The following CCDC175 variants were observed in gnomAD, a reference collection of about 807,000 sequenced individuals.
The protein encoded by CCDC175 is coiled-coil domain-containing protein 175.
A neutral mutation model predicts 114.6 loss-of-function variants in CCDC175; 100 were observed. That is an observed-to-expected ratio of 0.87 (90% CI 0.74 to 1.03). The LOEUF is 1.03. Ranked by LOEUF, CCDC175 falls within the 50% of genes least tolerant of loss-of-function variation. The probability of loss-of-function intolerance (pLI) is 0.00; values close to 1 mark genes in which losing one functional copy is unlikely to be tolerated. For synonymous variants in CCDC175, 306 were observed against 308.7 expected, an observed-to-expected ratio of 0.99 and a Z score of 0.09; for missense variants, 880 against 917.8, an observed-to-expected ratio of 0.96 and a Z score of 0.53.
At chr14:59,563,925 T>C in intron 5 of CCDC175, 66 bp from the exon 6 acceptor site, 1 of 1,088,942 alleles carries the variant, frequency 9.2e-7, no homozygotes, top group African/African-American at 1.7e-5. Flanking sequence ...TAAAAAATCT[T>C]TTAAAAACAG....
Position 59,533,904 on chromosome 14 carries a change from G to A in CCDC175, c.1624-1994C>T, listed in dbSNP as rs555125656. ...CTTGGGAGGCTGAGGCAGGAGAATC[G>A]CTTGAACCCGGGAGGCGGAGGTTGC... On this transcript the variant is annotated intron_variant, in intron 13 of 19. Transcript: ENST00000537690. Among the ~76,000 whole-genome samples the A allele has an allele frequency of 2.0e-5, 3 of 150,468 alleles. No individual in the cohort carries two copies. The South Asian group carries it at 6.3e-4, about 31-fold the overall frequency.
chr14:59,543,526 T>C (rs963208865), intron 9 of CCDC175, 72 bp from the exon 10 acceptor site: 5 of 517,514 alleles, frequency 9.7e-6, no homozygotes, highest in African/African-American at 2.0e-5. Flanking sequence ...ATTTCAAAAA[T>C]AGTTTTGAAA....
At chr14:59,508,772 C>T (rs1412538470) in intron 19 of CCDC175, among the ~76,000 whole-genome samples, 1 of 151,938 alleles carries the variant, frequency 6.6e-6, no homozygotes, top group Admixed American at 6.6e-5. Context: ...TTTGAGGACA[C>T]AATGAGGAAG....
chr14:59,550,262 G>A (rs1286451747), intron 8 of CCDC175, among the ~76,000 whole-genome samples: 1 of 152,046 alleles, frequency 6.6e-6, no homozygotes, highest in African/African-American at 2.4e-5. Context: ...GAGCAATACT[G>A]ATACTTATTT....
At chr14:59,538,667 T>C (rs755270906) in intron 12 of CCDC175, 38 bp downstream of exon 12, 22 of 1,471,344 alleles carry the variant, frequency 1.5e-5, no homozygotes, top group South Asian at 2.6e-5. Flanking sequence ...TGATATGCAA[T>C]GTAGGGGACT....
intron 17 of CCDC175, among the ~76,000 whole-genome samples, chr14:59,516,357 C>A (rs945821771): frequency 6.6e-6 from 1 of 151,906 alleles, no homozygotes; most frequent in African/African-American, 2.4e-5. Flanking sequence ...AAAAAACCTT[C>A]AAAAAAATCA....
At chr14:59,555,233 G>A (rs1056011354) in intron 7 of CCDC175, among the ~76,000 whole-genome samples, 3 of 152,128 alleles carry the variant, frequency 2.0e-5, no homozygotes, top group Non-Finnish European at 2.9e-5. Context: ...CTGGCAAACC[G>A]AATCCAGCAG....
At chr14:59,559,992 T>A (rs1896137038) in intron 7 of CCDC175, among the ~76,000 whole-genome samples, 1 of 152,142 alleles carries the variant, frequency 6.6e-6, no homozygotes, top group African/African-American at 2.4e-5. Flanking sequence ...TTTGAGGTAA[T>A]CCATATCTTT....
Position 59,512,920 on chromosome 14 carries a change from C to A in CCDC175, c.2099-1117G>T, listed in dbSNP as rs113358939. On this transcript the variant is annotated intron_variant, in intron 17 of 19. Transcript: ENST00000537690. ...AGTGAAAATAATTTTAAAAGACAAGCATACAGGTGAAGAATTCTATTACCT... is the reference window on the plus strand; with the variant it reads ...AGTGAAAATAATTTTAAAAGACAAGAATACAGGTGAAGAATTCTATTACCT... Among the ~76,000 whole-genome samples the A allele has an allele frequency of 2.1e-3, 317 of 151,790 alleles. 1 individual carries two copies. Among genetic ancestry groups the A allele is most frequent in the African/African-American group, 6.9e-3 (284 of 41,348 alleles).
At chr14:59,509,539 G>T (rs1892636519) in intron 19 of CCDC175, among the ~76,000 whole-genome samples, 1 of 152,076 alleles carries the variant, frequency 6.6e-6, no homozygotes, top group Admixed American at 6.6e-5. Flanking sequence ...TTAAGACAGG[G>T]TCTCACTCTG....
At position 59,521,603 on chromosome 14, in the gene CCDC175, T is replaced by C. The variant is rs1893432655; in HGVS notation, c.2069A>G (p.Asp690Gly). The C allele has an allele frequency of 6.5e-7, 1 of 1,535,238 alleles. No homozygotes were observed. Among genetic ancestry groups the C allele is most frequent in the Non-Finnish European group, 8.7e-7 (1 of 1,145,034 alleles). The change falls in exon 17 of 20, where the codon GAC becomes GGC. Residue 690 changes from aspartate (D) to glycine (G), a missense_variant. Asp to Gly is a moderately conservative substitution (Grantham distance 94). Transcript: ENST00000537690. ...CTGAGCTATTAGTTGCCGAGACAAG[T>C]CGCTTGAGGTGTGCATGAGGGCTTC... Reference protein sequence around the residue: ...GQEALMHTSSDLSRQLIAQEA... With the variant: ...GQEALMHTSSGLSRQLIAQEA...
chr14:59,544,869 C>T (rs1489145677), intron 9 of CCDC175, among the ~76,000 whole-genome samples: 1 of 152,086 alleles, frequency 6.6e-6, no homozygotes, highest in Non-Finnish European at 1.5e-5. Flanking sequence ...CCTGTGAAGA[C>T]ACAGAGAGAA....
chr14:59,516,545 A>G (rs538922381), intron 17 of CCDC175, among the ~76,000 whole-genome samples: 5 of 152,384 alleles, frequency 3.3e-5, no homozygotes, highest in African/African-American at 7.2e-5. Flanking sequence ...AAACATCTCT[A>G]TGCAAATAAG....
chr14:59,520,469 T>C (rs1893363466), intron 17 of CCDC175, among the ~76,000 whole-genome samples: 1 of 152,200 alleles, frequency 6.6e-6, no homozygotes, highest in South Asian at 2.1e-4. Flanking sequence ...CATACACTAA[T>C]TGCTATATAA....
At chr14:59,527,447 C>G (rs1893812786) in intron 14 of CCDC175, among the ~76,000 whole-genome samples, 1 of 152,064 alleles carries the variant, frequency 6.6e-6, no homozygotes, top group African/African-American at 2.4e-5. Flanking sequence ...CAGGCATTTT[C>G]CATTTACTTA....
chr14:59,540,544 C>T lies in CCDC175; in HGVS notation c.1355+131G>A, dbSNP rs948151688. 1.4e-5 allele frequency: 14 copies of T among 1,006,178 alleles called. No individual in the cohort carries two copies. In the East Asian group the frequency reaches 3.8e-4, roughly 27 times the overall value. The allele number at this position is 1,006,178 out of a possible 1,614,324, so 62.3% of individuals were successfully genotyped here. A position where few individuals can be genotyped will look rare whatever the true frequency, so the allele number is the denominator to read the frequency against. The stretch of plus-strand genomic sequence containing the variant: ...ATACATCTAGATCCGAGAGAATTTA[C>T]ACATAATTTAGGAAAATCATTCCCT... On this transcript the variant is annotated intron_variant, in intron 11 of 19. Coordinates refer to ENST00000537690, the MANE Select transcript of CCDC175 (RefSeq NM_001164399.2).
At chr14:59,526,532 G>A (rs2139994376) in intron 15 of CCDC175, among the ~76,000 whole-genome samples, 1 of 149,542 alleles carries the variant, frequency 6.7e-6, no homozygotes, top group East Asian at 1.9e-4. Flanking sequence ...CTCGAGCCTG[G>A]GCAACAGAGT....
At chr14:59,505,745 TTTG>T (rs1892328422) in intron 19 of CCDC175, among the ~76,000 whole-genome samples, 1 of 152,192 alleles carries the variant, frequency 6.6e-6, no homozygotes, top group East Asian at 1.9e-4. Flanking sequence ...AACCCTTGTC[TTTG>T]TTAAGTTTTG....
intron 1 of CCDC175, among the ~76,000 whole-genome samples, chr14:59,575,598 C>T (rs1329436278): frequency 6.6e-6 from 1 of 150,862 alleles, no homozygotes; most frequent in African/African-American, 2.4e-5. Context: ...CAACCTCTGC[C>T]TTCTGAGTTC....
Sources: allele counts gnomAD v4.1 joint callset (sites outside exome capture counted in the v4.1 genomes callset), GRCh38; gene constraint gnomAD v4.1.1; transcripts MANE v1.5; gene names NCBI Gene and HGNC (gene_info 2026-07-23, HGNC 2026-07-21).